Variants in PRELID2 observed in about 807,000 individuals in gnomAD.
PRELID2 encodes the protein PRELI domain containing 2.
In PRELID2, 25 loss-of-function variants were observed where a neutral mutation model predicts 28.4. That is an observed-to-expected ratio of 0.88 (90% CI 0.64 to 1.23). The LOEUF (loss-of-function observed/expected upper bound fraction) is 1.23, where lower values mean the gene tolerates loss of function less well. Ranked by LOEUF, PRELID2 falls within the 50% of genes most tolerant of loss-of-function variation. PRELID2 has a pLI of 0.00. For synonymous variants in PRELID2, 76 were observed against 71.6 expected (o/e 1.06, Z -0.31); for missense variants, 201 against 214.4 (o/e 0.94, Z 0.39).
intron 5 of PRELID2, among the ~76,000 whole-genome samples, chr5:145,779,310 A>G (rs910849433): frequency 6.6e-6 from 1 of 152,186 alleles, no homozygotes; most frequent in African/African-American, 2.4e-5. Context: ...TACAGTTAAG[A>G]GTGCTTCAGG....
intron 4 of PRELID2, among the ~76,000 whole-genome samples, chr5:145,808,660 G>C (rs1753712914): frequency 6.6e-6 from 1 of 152,056 alleles, no homozygotes; most frequent in Admixed American, 6.6e-5. Flanking sequence ...CAAGGCAAGA[G>C]GGTCACTTGA....
intron 5 of PRELID2, among the ~76,000 whole-genome samples, chr5:145,769,402 G>A (rs1008666815): frequency 2.0e-5 from 3 of 152,164 alleles, no homozygotes; most frequent in Non-Finnish European, 4.4e-5. Flanking sequence ...CACTCTAAGA[G>A]TCTCAGAAAT....
At chr5:145,405,609 C>G in the PRELID2 span, among the ~76,000 whole-genome samples, 1 of 150,800 alleles carries the variant, frequency 6.6e-6, no homozygotes, top group Non-Finnish European at 1.5e-5. Context: ...CCTCAGGAAG[C>G]TTAGAATCAT....
chr5:145,594,328 T>C (rs188990575), intron 1 of PRELID2, among the ~76,000 whole-genome samples: 67 of 152,278 alleles, frequency 4.4e-4, no homozygotes, highest in Non-Finnish European at 6.5e-4. Flanking sequence ...AAAGTATCAG[T>C]TTGTTTGGTG....
intron 5 of PRELID2, among the ~76,000 whole-genome samples, chr5:145,776,091 T>G (rs1485518713): frequency 1.3e-5 from 2 of 152,226 alleles, no homozygotes; most frequent in African/African-American, 4.8e-5. Flanking sequence ...AGTTTTGTTT[T>G]CCACAGTTTC....
the PRELID2 span, among the ~76,000 whole-genome samples, chr5:145,314,715 C>T: frequency 7.2e-5 from 11 of 151,952 alleles, no homozygotes; most frequent in East Asian, 2.1e-3. Context: ...AAGTAAGTTG[C>T]CAGGTCATCC....
chr5:145,526,636 G>A (rs181212584), intron 1 of PRELID2, among the ~76,000 whole-genome samples: 142 of 152,236 alleles, frequency 9.3e-4, no homozygotes, highest in African/African-American at 3.2e-3. Context: ...TCCGTGGGAA[G>A]TGTTCTAGAG....
the PRELID2 span, among the ~76,000 whole-genome samples, chr5:145,434,309 T>C: frequency 6.0e-4 from 91 of 152,310 alleles, no homozygotes; most frequent in African/African-American, 2.1e-3. Context: ...ATTCATTCCA[T>C]CTTCCAATCC....
intron 1 of PRELID2, among the ~76,000 whole-genome samples, chr5:145,697,006 A>G (rs1755283081): frequency 2.1e-5 from 3 of 143,754 alleles, no homozygotes; most frequent in Admixed American, 7.0e-5. Context: ...ATCAAGCAAC[A>G]AAGTGGATGT....
chr5:145,354,737 G>C, the PRELID2 span, among the ~76,000 whole-genome samples: 1 of 152,176 alleles, frequency 6.6e-6, no homozygotes, highest in East Asian at 1.9e-4. Context: ...GTATGTCAGA[G>C]AGAGGAGTAG....
the PRELID2 span, among the ~76,000 whole-genome samples, chr5:145,459,289 T>C: frequency 6.6e-6 from 1 of 152,230 alleles, no homozygotes; most frequent in Non-Finnish European, 1.5e-5. Flanking sequence ...AAATTATACA[T>C]TCTTTATCCA....
chr5:145,650,656 A>G (rs973440807), intron 1 of PRELID2, among the ~76,000 whole-genome samples: 3 of 150,446 alleles, frequency 2.0e-5, no homozygotes, highest in African/African-American at 7.3e-5. Flanking sequence ...ACAGAAAAAA[A>G]AAGTAATTTT....
At chr5:145,297,736 A>T in the PRELID2 span, among the ~76,000 whole-genome samples, 5 of 151,996 alleles carry the variant, frequency 3.3e-5, no homozygotes, top group Non-Finnish European at 5.9e-5. Flanking sequence ...TCTCAGCCCA[A>T]AATCTCCTTA....
intron 4 of PRELID2, among the ~76,000 whole-genome samples, chr5:145,811,979 TC>T (rs1753977657): frequency 6.6e-6 from 1 of 152,074 alleles, no homozygotes; most frequent in African/African-American, 2.4e-5. Flanking sequence ...TGCCTACCCA[TC>T]CCCCATGCAG....
chr5:145,229,498 C>T, the PRELID2 span: 11 of 1,169,230 alleles, frequency 9.4e-6, no homozygotes, highest in Non-Finnish European at 1.4e-5. Context: ...AGATCCAATT[C>T]AAAAAAGGAG....
the PRELID2 span, among the ~76,000 whole-genome samples, chr5:145,319,333 G>A: frequency 2.6e-4 from 40 of 152,120 alleles, no homozygotes; most frequent in East Asian, 4.5e-3. Context: ...TCCTATTCCC[G>A]AATCTTGTCT....
rs937134677 is a variant in PRELID2, at chr5:145,615,527, C to T, written n.71-142212G>A. Among the ~76,000 whole-genome samples the T allele has an allele frequency of 7.4e-5, 9 of 121,732 alleles. No individual in the cohort carries two copies. The South Asian group carries it at 1.5e-3, about 20-fold the overall frequency. 79.9% of individuals were successfully genotyped at this position (121,732 alleles called of 152,430 possible). On this transcript the variant is annotated intron_variant and non_coding_transcript_variant, in intron 1 of 2. Transcript: ENST00000510259. ...ATTTTTAGTAGAGACGGGGTTTCAC[C>T]GTGTTAGCCAGGATGGTCTCGATCT...
At chr5:145,815,826 G>T (rs993402680) in intron 4 of PRELID2, among the ~76,000 whole-genome samples, 5 of 152,118 alleles carry the variant, frequency 3.3e-5, no homozygotes, top group Non-Finnish European at 7.4e-5. Context: ...ACATTGGCTT[G>T]TTTCTACATT....
intron 1 of PRELID2, among the ~76,000 whole-genome samples, chr5:145,621,360 C>A (rs1281348798): frequency 6.6e-6 from 1 of 151,870 alleles, no homozygotes; most frequent in African/African-American, 2.4e-5. Context: ...TACAACTTGG[C>A]AAAAAAGAGT....
Sources: allele counts gnomAD v4.1 joint callset (sites outside exome capture counted in the v4.1 genomes callset), GRCh38; gene constraint gnomAD v4.1.1; transcripts MANE v1.5; gene names NCBI Gene and HGNC (gene_info 2026-07-23, HGNC 2026-07-21).